Variants in OR1J2 observed in about 807,000 individuals in gnomAD.
OR1J2 encodes olfactory receptor 1J2.
For synonymous variants in OR1J2, 142 were observed against 99.7 expected (o/e 1.42, Z -2.52); for missense variants, 304 against 246.1 (o/e 1.24, Z -1.57).
At chr9:122,573,381 G>T in the OR1J2 span, among the ~76,000 whole-genome samples, 1 of 152,336 alleles carries the variant, frequency 6.6e-6, no homozygotes, top group South Asian at 2.1e-4. Flanking sequence ...ATCAAGAGTG[G>T]ATAAATATTT....
chr9:122,520,251 A>G, the OR1J2 span, among the ~76,000 whole-genome samples: 1 of 152,148 alleles, frequency 6.6e-6, no homozygotes, highest in East Asian at 1.9e-4. Flanking sequence ...GTGAATTCTG[A>G]GTTTACATAA....
chr9:122,556,767 A>C, the OR1J2 span, among the ~76,000 whole-genome samples: 1 of 152,182 alleles, frequency 6.6e-6, no homozygotes, highest in Admixed American at 6.5e-5. Context: ...GCCTCTCTGC[A>C]TTTTGTTGAT....
At chr9:122,577,763 A>G in the OR1J2 span, among the ~76,000 whole-genome samples, 20 of 152,352 alleles carry the variant, frequency 1.3e-4, no homozygotes, top group Non-Finnish European at 1.9e-4. Flanking sequence ...AATTTATCCA[A>G]AGGAAACAGT....
the OR1J2 span, among the ~76,000 whole-genome samples, chr9:122,449,390 G>A: frequency 6.6e-6 from 1 of 151,964 alleles, no homozygotes; most frequent in Non-Finnish European, 1.5e-5. Flanking sequence ...TTTTTTCTGA[G>A]ACAGAGTCTC....
chr9:122,476,682 G>T, the OR1J2 span, among the ~76,000 whole-genome samples: 9 of 150,896 alleles, frequency 6.0e-5, no homozygotes, highest in Admixed American at 4.6e-4. Context: ...TAGAATAATG[G>T]TTTTTTTTTA....
At chr9:122,502,166 A>C in the OR1J2 span, among the ~76,000 whole-genome samples, 6 of 152,244 alleles carry the variant, frequency 3.9e-5, no homozygotes, top group Admixed American at 6.5e-5. Flanking sequence ...GAAGCTCTGG[A>C]CAGAATGCAC....
the OR1J2 span, among the ~76,000 whole-genome samples, chr9:122,570,648 C>G: frequency 6.6e-6 from 1 of 152,308 alleles, no homozygotes; most frequent in African/African-American, 2.4e-5. Context: ...ACCTCAGCGT[C>G]ATCGTCCCTT....
At chr9:122,567,451 G>T in the OR1J2 span, 1 of 893,086 alleles carries the variant, frequency 1.1e-6, no homozygotes, top group Non-Finnish European at 1.7e-6. Context: ...GGTCAGAAGT[G>T]CTAGCTTCCA....
At chr9:122,477,437 C>T in the OR1J2 span, 4 of 1,613,848 alleles carry the variant, frequency 2.5e-6, no homozygotes, top group Non-Finnish European at 3.4e-6. Context: ...GAAAGCTGGG[C>T]CAGGAGGAGG....
chr9:122,476,701 T>A, the OR1J2 span, among the ~76,000 whole-genome samples: 1 of 151,724 alleles, frequency 6.6e-6, no homozygotes, highest in African/African-American at 2.4e-5. Context: ...TACTCAATAA[T>A]TTTTTTTTCT....
At chr9:122,568,434 A>AG in the OR1J2 span, 2 of 1,611,474 alleles carry the variant, frequency 1.2e-6, no homozygotes, top group Non-Finnish European at 1.7e-6. Flanking sequence ...GAGTCCCAGG[A>AG]GGATAAACTC....
At chr9:122,493,434 G>C in the OR1J2 span, among the ~76,000 whole-genome samples, 1 of 152,054 alleles carries the variant, frequency 6.6e-6, no homozygotes, top group African/African-American at 2.4e-5. Flanking sequence ...AACCTAGGAG[G>C]GTTGTATATT....
the OR1J2 span, among the ~76,000 whole-genome samples, chr9:122,484,302 TAG>T: frequency 1.3e-5 from 2 of 151,900 alleles, no homozygotes; most frequent in South Asian, 4.2e-4. Flanking sequence ...GCTGGGACAA[TAG>T]GCACGCACCA....
At chr9:122,484,011 A>C in the OR1J2 span, among the ~76,000 whole-genome samples, 40,934 of 151,978 alleles carry the variant, frequency 0.27, 5,932 homozygotes, top group African/African-American at 0.36. Flanking sequence ...ATATATCAGT[A>C]ATATATATAT....
the OR1J2 span, among the ~76,000 whole-genome samples, chr9:122,484,554 C>T: frequency 6.6e-6 from 1 of 152,078 alleles, no homozygotes; most frequent in African/African-American, 2.4e-5. Flanking sequence ...AAGAACAAAT[C>T]TCCTCTTAGG....
chr9:122,574,598 T>A, the OR1J2 span, among the ~76,000 whole-genome samples: 1 of 149,350 alleles, frequency 6.7e-6, no homozygotes, highest in Non-Finnish European at 1.5e-5. Context: ...TGTCAATTCT[T>A]TTGGATTTTC....
chr9:122,572,834 T>C, the OR1J2 span: 3 of 152,266 alleles, frequency 2.0e-5, no homozygotes, highest in Non-Finnish European at 4.4e-5. Context: ...GTGGATCTTC[T>C]GCACATCTGT....
chr9:122,515,272 T>C (rs1340652006), downstream of OR1J2, among the ~76,000 whole-genome samples: 2 of 151,624 alleles, frequency 1.3e-5, no homozygotes. Flanking sequence ...AGAAAGAAGC[T>C]GAGAAACCAG....
chr9:122,515,352 TTGTGTGTGTGTGTGTGTGTG>T (rs10651846), downstream of OR1J2, among the ~76,000 whole-genome samples: 3 of 135,814 alleles, frequency 2.2e-5, no homozygotes, highest in South Asian at 7.9e-4. Context: ...CAGGAGCAGG[TTGTGTGTGTGTGTGTGTGTG>T]TGTGTGTGTG....
Sources: gnomAD v4.1 joint callset for allele counts (sites outside exome capture counted in the v4.1 genomes callset) on GRCh38, gnomAD v4.1.1 for gene constraint, MANE v1.5 for transcripts, NCBI Gene and HGNC (gene_info 2026-07-23, HGNC 2026-07-21) for gene names.